Variants in ARHGAP15 observed in about 807,000 individuals in gnomAD.
ARHGAP15 encodes Rho GTPase activating protein 15, also known as rho GTPase-activating protein 15.
ARHGAP15 carries 51 observed loss-of-function variants against 63.7 expected under a neutral mutation model. The observed-to-expected ratio is 0.80, with a 90% CI of 0.64 to 1.01. ARHGAP15 has a LOEUF of 1.01. Ranked by LOEUF, ARHGAP15 falls within the 50% of genes least tolerant of loss-of-function variation. ARHGAP15 has a pLI of 0.00. For missense variants in ARHGAP15, 560 were observed against 564.6 expected, an observed-to-expected ratio of 0.99 and a Z score of 0.08; for synonymous variants, 191 against 193.8, an observed-to-expected ratio of 0.99 and a Z score of 0.12.
chr2:143,539,537 A>G (rs1175394485), intron 10 of ARHGAP15, among the ~76,000 whole-genome samples: 9 of 151,854 alleles, frequency 5.9e-5, no homozygotes, highest in African/African-American at 1.7e-4. Flanking sequence ...ATTTCCCCCT[A>G]CGCACTGCTT....
chr2:143,488,445 T>A (rs534789970), intron 9 of ARHGAP15, among the ~76,000 whole-genome samples: 1 of 152,342 alleles, frequency 6.6e-6, no homozygotes, highest in African/African-American at 2.4e-5. Context: ...TTGATTCTTT[T>A]TAAAAACAAG....
Position 143,435,622 on chromosome 2 carries a change from G to A in ARHGAP15, c.496G>A (p.Glu166Lys). ...VFQITTVSGNEFLLQSDIDFI... is the reference protein window; with the variant it reads ...VFQITTVSGNKFLLQSDIDFI... The stretch of plus-strand genomic sequence containing the variant: ...GCAGATCACAACAGTATCAGGAAAT[G>A]AGTTCCTTCTACAGTCAGATATTGA... Residue 166 changes from glutamate (E) to lysine (K), a missense_variant, in exon 7 of 14, where the codon GAG becomes AAG. Physicochemically the swap from Glu to Lys is moderately conservative, Grantham distance 56 (BLOSUM62 1). Transcript: ENST00000295095. 6.5e-7 allele frequency: 1 copy of A among 1,534,468 alleles called. No individual in the cohort carries two copies. Among genetic ancestry groups the A allele is most frequent in the Non-Finnish European group, 8.8e-7 (1 of 1,137,734 alleles).
chr2:143,348,032 A>G (rs949202419), intron 6 of ARHGAP15, among the ~76,000 whole-genome samples: 1 of 152,184 alleles, frequency 6.6e-6, no homozygotes, highest in Non-Finnish European at 1.5e-5. Context: ...ATCCATTTCA[A>G]CTAGAATGTC....
intron 6 of ARHGAP15, among the ~76,000 whole-genome samples, chr2:143,326,120 A>G (rs1325068886): frequency 6.6e-6 from 1 of 152,210 alleles, no homozygotes; most frequent in African/African-American, 2.4e-5. Context: ...AAATACAATA[A>G]GGCAATAGAT....
chr2:143,611,908 C>A (rs1232043502), intron 11 of ARHGAP15, among the ~76,000 whole-genome samples: 5 of 152,176 alleles, frequency 3.3e-5, no homozygotes, highest in South Asian at 2.1e-4. Context: ...CCTCACATGG[C>A]CTTTTCGTTG....
At chr2:143,704,554 G>T (rs1159901828) in intron 13 of ARHGAP15, among the ~76,000 whole-genome samples, 1 of 152,188 alleles carries the variant, frequency 6.6e-6, no homozygotes, top group African/African-American at 2.4e-5. Context: ...AAGTTGAGTA[G>T]GAAAAGCAGG....
intron 2 of ARHGAP15, among the ~76,000 whole-genome samples, chr2:143,172,972 A>C (rs1392873540): frequency 6.6e-6 from 1 of 152,108 alleles, no homozygotes; most frequent in Non-Finnish European, 1.5e-5. Flanking sequence ...GCCTACAAAG[A>C]AGTTAAAAGA....
chr2:143,270,137 T>C (rs1194699335), intron 6 of ARHGAP15, among the ~76,000 whole-genome samples: 1 of 152,128 alleles, frequency 6.6e-6, no homozygotes, highest in African/African-American at 2.4e-5. Flanking sequence ...CACGCCTGGC[T>C]AATTTTGTAT....
chr2:143,402,123 C>G (rs553432337), intron 6 of ARHGAP15, among the ~76,000 whole-genome samples: 1 of 151,810 alleles, frequency 6.6e-6, no homozygotes, highest in Non-Finnish European at 1.5e-5. Context: ...TTTACTGTCA[C>G]GATCACAATC....
At chr2:143,522,576 G>A (rs1694101705) in intron 10 of ARHGAP15, among the ~76,000 whole-genome samples, 1 of 152,126 alleles carries the variant, frequency 6.6e-6, no homozygotes, top group Non-Finnish European at 1.5e-5. Flanking sequence ...GGAGGTTTGA[G>A]GAAACAAGCA....
At chr2:143,460,873 A>G (rs1445269997) in intron 8 of ARHGAP15, among the ~76,000 whole-genome samples, 1 of 152,156 alleles carries the variant, frequency 6.6e-6, no homozygotes, top group East Asian at 1.9e-4. Context: ...TCAGAAGGGA[A>G]CAGACACATA....
chr2:143,278,941 G>A (rs551205421), intron 6 of ARHGAP15, among the ~76,000 whole-genome samples: 1 of 149,602 alleles, frequency 6.7e-6, no homozygotes, highest in Non-Finnish European at 1.5e-5. Context: ...CATTGTAGGT[G>A]CTGTTTTTAC....
intron 2 of ARHGAP15, among the ~76,000 whole-genome samples, chr2:143,183,240 C>A (rs1024677379): frequency 1.4e-4 from 21 of 152,176 alleles, no homozygotes; most frequent in African/African-American, 5.1e-4. Context: ...AAGAGCTGGT[C>A]TTCAGATAAG....
At chr2:143,356,150 T>C (rs1685801375) in intron 6 of ARHGAP15, among the ~76,000 whole-genome samples, 1 of 152,040 alleles carries the variant, frequency 6.6e-6, no homozygotes, top group Admixed American at 6.6e-5. Flanking sequence ...GCTCGGAAGG[T>C]AATTTAATAA....
intron 11 of ARHGAP15, among the ~76,000 whole-genome samples, chr2:143,597,382 A>G (rs1697564488): frequency 6.6e-6 from 1 of 152,184 alleles, no homozygotes; most frequent in African/African-American, 2.4e-5. Flanking sequence ...AACTGAATGT[A>G]GAAAGTCTAC....
intron 6 of ARHGAP15, among the ~76,000 whole-genome samples, chr2:143,383,897 T>A (rs1373363619): frequency 2.0e-5 from 3 of 152,010 alleles, no homozygotes; most frequent in Non-Finnish European, 4.4e-5. Context: ...CAAGATGGGG[T>A]CTTAGAGTCT....
At chr2:143,486,997 T>A (rs1692355386) in intron 8 of ARHGAP15, among the ~76,000 whole-genome samples, 1 of 152,208 alleles carries the variant, frequency 6.6e-6, no homozygotes, top group African/African-American at 2.4e-5. Flanking sequence ...ATAATCATAT[T>A]TAATTGAAAT....
intron 6 of ARHGAP15, among the ~76,000 whole-genome samples, chr2:143,349,321 G>T (rs1225680338): frequency 6.6e-6 from 1 of 152,118 alleles, no homozygotes; most frequent in African/African-American, 2.4e-5. Context: ...TATTTAACAG[G>T]CATGGGAGCC....
At chr2:143,414,301 T>C (rs943544788) in intron 6 of ARHGAP15, among the ~76,000 whole-genome samples, 6 of 151,712 alleles carry the variant, frequency 4.0e-5, no homozygotes, top group Admixed American at 3.9e-4. Flanking sequence ...AAAGAAACAG[T>C]AGTAACATTG....
Sources: gnomAD v4.1 joint callset for allele counts (sites outside exome capture counted in the v4.1 genomes callset) on GRCh38, gnomAD v4.1.1 for gene constraint, MANE v1.5 for transcripts, NCBI Gene and HGNC (gene_info 2026-07-23, HGNC 2026-07-21) for gene names.